SYT16: variants seen among roughly 807,000 people sequenced by gnomAD.
The protein encoded by SYT16 is synaptotagmin 16.
In SYT16, 42 loss-of-function variants were observed where a neutral mutation model predicts 61.4. The ratio of observed to expected loss-of-function variants is 0.68; its 90% CI spans 0.53 to 0.89. The LOEUF is 0.89. Among genes scored for constraint, SYT16 ranks in the 40% least tolerant of loss-of-function variants. The pLI is 0.00. For synonymous variants in SYT16, 314 were observed against 302.3 expected, an observed-to-expected ratio of 1.04 and a Z score of -0.40; for missense variants, 804 against 807.3, an observed-to-expected ratio of 1.00 and a Z score of 0.05.
At chr14:61,819,842 T>G (rs749209692) in intron 1 of SYT16, among the ~76,000 whole-genome samples, 25 of 152,210 alleles carry the variant, frequency 1.6e-4, no homozygotes, top group Non-Finnish European at 2.8e-4. Flanking sequence ...TTGTTTAACT[T>G]CCCGGAGGCT....
At chr14:61,942,107 A>G (rs1381572097) in intron 1 of SYT16, among the ~76,000 whole-genome samples, 1 of 152,252 alleles carries the variant, frequency 6.6e-6, no homozygotes, top group Non-Finnish European at 1.5e-5. Flanking sequence ...TTTTTATTTT[A>G]GATAAGGCAT....
At chr14:61,974,027 G>T (rs2051676381) in intron 2 of SYT16, among the ~76,000 whole-genome samples, 1 of 152,186 alleles carries the variant, frequency 6.6e-6, no homozygotes, top group East Asian at 1.9e-4. Context: ...TGTGGCAGGA[G>T]ACTGCCTCAC....
chr14:62,042,867 G>A (rs892126234), intron 3 of SYT16, among the ~76,000 whole-genome samples: 4 of 152,040 alleles, frequency 2.6e-5, no homozygotes, highest in African/African-American at 9.7e-5. Flanking sequence ...TTTTCTCTAG[G>A]GAGCCAGCTT....
At chr14:62,001,882 A>G (rs761692626) in intron 3 of SYT16, among the ~76,000 whole-genome samples, 5 of 151,690 alleles carry the variant, frequency 3.3e-5, no homozygotes, top group Non-Finnish European at 7.4e-5. Context: ...AGCCTTTTTT[A>G]TTTTTGTTAC....
At chr14:61,923,253 A>ACT (rs145655276) in intron 1 of SYT16, among the ~76,000 whole-genome samples, 3 of 151,776 alleles carry the variant, frequency 2.0e-5, no homozygotes, top group Non-Finnish European at 4.4e-5. Context: ...CAACTTAACA[A>ACT]CTCTCTCTCT....
chr14:61,814,144 G>A (rs1566602369), intron 1 of SYT16, among the ~76,000 whole-genome samples: 5 of 152,232 alleles, frequency 3.3e-5, no homozygotes, highest in Admixed American at 2.0e-4. Context: ...ATATGTGTGG[G>A]GATACCAACA....
intron 7 of SYT16, among the ~76,000 whole-genome samples, chr14:62,092,407 G>C (rs2141004235): frequency 2.0e-5 from 3 of 151,986 alleles, no homozygotes; most frequent in African/African-American, 7.2e-5. Context: ...TTGAAAGCAG[G>C]GTCTTGAGAA....
intron 3 of SYT16, among the ~76,000 whole-genome samples, chr14:62,035,718 T>C (rs1251676325): frequency 6.6e-6 from 1 of 152,200 alleles, no homozygotes; most frequent in Non-Finnish European, 1.5e-5. Flanking sequence ...CAAAAGCCCA[T>C]TTAATCTGAA....
At chr14:61,829,337 T>A (rs942190811) in intron 1 of SYT16, among the ~76,000 whole-genome samples, 1 of 152,222 alleles carries the variant, frequency 6.6e-6, no homozygotes, top group Non-Finnish European at 1.5e-5. Context: ...TCAAGATTTT[T>A]TTATTATCTT....
At chr14:61,866,415 ATCT>A (rs2047156609) in intron 1 of SYT16, among the ~76,000 whole-genome samples, 2 of 152,038 alleles carry the variant, frequency 1.3e-5, no homozygotes, top group Admixed American at 6.5e-5. Context: ...GTTGCTTTAC[ATCT>A]TCTATTATAC....
At chr14:61,843,795 T>C (rs187700353) in intron 1 of SYT16, among the ~76,000 whole-genome samples, 61 of 152,344 alleles carry the variant, frequency 4.0e-4, no homozygotes, top group Admixed American at 1.0e-3. Context: ...CATGGTGTTT[T>C]GGTTAGTGCA....
chr14:62,097,944 C>T (rs1454258652), intron 7 of SYT16, among the ~76,000 whole-genome samples: 1 of 152,220 alleles, frequency 6.6e-6, no homozygotes, highest in Non-Finnish European at 1.5e-5. Flanking sequence ...CACAAATCCA[C>T]TCCCTCATTG....
chr14:62,074,009 C>G (rs931430070), intron 4 of SYT16, among the ~76,000 whole-genome samples: 2 of 152,138 alleles, frequency 1.3e-5, no homozygotes, highest in Non-Finnish European at 2.9e-5. Flanking sequence ...ATAGACTTTG[C>G]CAACCCACGC....
intron 3 of SYT16, among the ~76,000 whole-genome samples, chr14:61,996,842 A>G (rs2052792177): frequency 6.6e-6 from 1 of 152,038 alleles, no homozygotes; most frequent in Non-Finnish European, 1.5e-5. Flanking sequence ...ATGCTTTTAA[A>G]AATATCTTGC....
intron 1 of SYT16, among the ~76,000 whole-genome samples, chr14:61,917,484 G>A (rs2049165451): frequency 6.6e-6 from 1 of 152,116 alleles, no homozygotes; most frequent in Admixed American, 6.5e-5. Flanking sequence ...ACTAGACTTG[G>A]AGCTATGATC....
chr14:62,100,935 A>G lies in SYT16; in HGVS notation c.*228A>G. On this transcript the variant is annotated 3_prime_UTR_variant, in exon 8 of 8. Transcript: ENST00000683842. ...GAAGTGTCCGTATGGAAAATATTAT[A>G]CCACAATTAAGACCACTGATGAGTT... The G allele has an allele frequency of 4.1e-6, 2 of 492,048 alleles. No individual in the cohort carries two copies. The highest frequency in any genetic ancestry group is 3.5e-5 in the East Asian group (1 of 28,788). The allele number at this position is 492,048 out of a possible 1,614,324, so 30.5% of individuals were successfully genotyped here.
chr14:61,821,520 A>G (rs764091554), intron 1 of SYT16, among the ~76,000 whole-genome samples: 69 of 152,296 alleles, frequency 4.5e-4, no homozygotes, highest in African/African-American at 1.6e-3. Context: ...GCTCATGGGC[A>G]TTGACAGGAT....
intron 3 of SYT16, among the ~76,000 whole-genome samples, chr14:62,054,993 T>TAA (rs544971294): frequency 6.6e-6 from 1 of 152,020 alleles, no homozygotes. Flanking sequence ...GCAATGAGAT[T>TAA]AAAAAAAATC....
intron 1 of SYT16, among the ~76,000 whole-genome samples, chr14:61,907,153 G>A (rs150679460): frequency 1.8e-3 from 276 of 152,286 alleles, no homozygotes; most frequent in African/African-American, 6.4e-3. Context: ...TTCAATAGCT[G>A]CTTGGTTCAT....
Sources: gnomAD v4.1 joint callset for allele counts (sites outside exome capture counted in the v4.1 genomes callset) on GRCh38, gnomAD v4.1.1 for gene constraint, MANE v1.5 for transcripts, NCBI Gene and HGNC (gene_info 2026-07-23, HGNC 2026-07-21) for gene names.